The following NDE1 variants were observed in gnomAD, a reference collection of about 807,000 sequenced individuals.
NDE1 encodes nuclear distribution protein nudE homolog 1.
A neutral mutation model predicts 43.4 loss-of-function variants in NDE1; 28 were observed. The observed-to-expected ratio is 0.65, with a 90% confidence interval of 0.48 to 0.89. The LOEUF (loss-of-function observed/expected upper bound fraction) is 0.89, where lower values mean the gene tolerates loss of function less well. Among genes scored for constraint, NDE1 ranks in the 40% least tolerant of loss-of-function variants. NDE1 has a pLI of 0.00. For synonymous variants in NDE1, 184 were observed against 172.0 expected (o/e 1.07, Z -0.55); for missense variants, 441 against 434.1 (o/e 1.02, Z -0.14).
In NDE1 at chr16:15,667,447, G is replaced by T; in HGVS notation, c.237+8G>T. 6.2e-7 allele frequency: 1 copy of T among 1,613,620 alleles called. No individual in the cohort carries two copies. The highest frequency in any genetic ancestry group is 2.2e-5 in the East Asian group (1 of 44,872). On this transcript the variant is annotated splice_region_variant and intron_variant, in intron 3 of 8. Coordinates refer to ENST00000396354, the MANE Select transcript of NDE1 (RefSeq NM_017668.3). ...GAGCTGGAAACCATCAAGGTGAGGG[G>T]CTGAGAGGAAGTGTGCTCAGGTGTA... is the stretch of plus-strand genomic sequence containing the variant.
At chr16:15,723,019 C>CA (rs1368992480) in intron 8 of NDE1, among the ~76,000 whole-genome samples, 2 of 152,212 alleles carry the variant, frequency 1.3e-5, no homozygotes, top group Admixed American at 1.3e-4. Context: ...GCTAGGATTA[C>CA]AGGCGTGAGC....
rs869069843 is a variant in NDE1, at chr16:15,690,353, C to CTTT, written c.524-765_524-763dup. Reference sequence around the variant, plus strand: ...GCAACTGGCCTTTTTTTTTTTTTTTCTTTTTTTTTTTTTTTTTTTTTTTTT... The same window carrying CTTT: ...GCAACTGGCCTTTTTTTTTTTTTTTCTTTTTTTTTTTTTTTTTTTTTTTTTTTT... On this transcript the variant is annotated intron_variant, in intron 5 of 8. Coordinates refer to ENST00000396354, the MANE Select transcript of NDE1 (RefSeq NM_017668.3). Among the ~76,000 whole-genome samples, 606 of 81,000 alleles carry CTTT rather than the reference C, an allele frequency of 7.5e-3. 43 individuals carry two copies. Among genetic ancestry groups the CTTT allele is most frequent in the Non-Finnish European group, 8.4e-3 (388 of 46,372 alleles). The allele number at this position is 81,000 out of a possible 152,430, so 53.1% of individuals were successfully genotyped here.
At position 15,696,471 on chromosome 16, in the gene NDE1, C is replaced by T. The variant is rs58057638; in HGVS notation, c.796-238C>T. ...TGTCAAGCCATCCTCCTGCCTTGGC[C>T]TCCCAGAGTGCTGGGATTATAGGTG... On this transcript the variant is annotated intron_variant, in intron 7 of 8. Coordinates refer to ENST00000396354, the MANE Select transcript of NDE1 (RefSeq NM_017668.3). Among the ~76,000 whole-genome samples, 2,007 of 152,128 alleles carry T rather than the reference C, an allele frequency of 0.013. 19 individuals carry two copies. The highest frequency in any genetic ancestry group is 0.035 in the East Asian group (179 of 5,176).
chr16:15,684,766 C>T (rs1273382508), intron 4 of NDE1, among the ~76,000 whole-genome samples: 5 of 152,116 alleles, frequency 3.3e-5, no homozygotes. Context: ...AGAACTGAAC[C>T]TGCCATCTTT....
At chr16:15,696,901 C>G (rs778529764) in intron 8 of NDE1, 41 bp downstream of exon 8, 7 of 1,605,078 alleles carry the variant, frequency 4.4e-6, no homozygotes, top group Middle Eastern at 1.7e-4. Flanking sequence ...CGGGGAGAAC[C>G]CGCCTGCCCC....
intron 3 of NDE1, among the ~76,000 whole-genome samples, chr16:15,668,502 C>T (rs1185529726): frequency 6.6e-6 from 1 of 152,146 alleles, no homozygotes. Flanking sequence ...TGGACGCGAG[C>T]AGTCCTCCTG....
At chr16:15,721,333 G>GC in intron 8 of NDE1, 1 of 1,427,972 alleles carries the variant, frequency 7.0e-7, no homozygotes. Context: ...TATGAAAAAG[G>GC]CCAGGAGCTA....
At chr16:15,722,043 A>T (rs1159890218) in intron 8 of NDE1, among the ~76,000 whole-genome samples, 1 of 151,870 alleles carries the variant, frequency 6.6e-6, no homozygotes, top group Non-Finnish European at 1.5e-5. Flanking sequence ...TTTTAAGTAG[A>T]GATGTGGTTT....
upstream of NDE1, among the ~76,000 whole-genome samples, chr16:15,649,193 C>T (rs1265682739): frequency 1.3e-5 from 2 of 152,152 alleles, no homozygotes; most frequent in Admixed American, 6.5e-5. Context: ...GAGATTTCAT[C>T]TCAAAATAAA....
chr16:15,718,537 C>G, intron 8 of NDE1: 1 of 1,464,704 alleles, frequency 6.8e-7, no homozygotes. Context: ...CCCTCATCAT[C>G]TAATGGGTGA....
At chr16:15,694,950 T>C (rs1194248504) in intron 7 of NDE1, 12 of 966,728 alleles carry the variant, frequency 1.2e-5, no homozygotes, top group Non-Finnish European at 1.5e-5. Flanking sequence ...GGTGGGAGAT[T>C]ACTTGAGCTC....
At chr16:15,719,147 A>C in intron 8 of NDE1, 1 of 1,454,010 alleles carries the variant, frequency 6.9e-7, no homozygotes, top group South Asian at 1.2e-5. Flanking sequence ...TAAAAAATAA[A>C]ATGGGGGTCG....
chr16:15,685,168 C>T (rs1041536615), intron 4 of NDE1, among the ~76,000 whole-genome samples: 1 of 152,292 alleles, frequency 6.6e-6, no homozygotes, highest in Middle Eastern at 3.4e-3. Context: ...AATATTTTAT[C>T]TTTGATATGT....
intron 1 of NDE1, among the ~76,000 whole-genome samples, chr16:15,654,415 C>T (rs1161866841): frequency 6.6e-6 from 1 of 151,692 alleles, no homozygotes; most frequent in Non-Finnish European, 1.5e-5. Flanking sequence ...GCCTGGCCAA[C>T]GTGGCGAAAC....
intron 7 of NDE1, chr16:15,694,747 G>C: frequency 1.0e-6 from 1 of 985,320 alleles, no homozygotes; most frequent in South Asian, 4.7e-5. Context: ...GACACTCAGA[G>C]CTCTGACTCG....
rs148619157 is a variant in NDE1 at position 15,673,680 on chromosome 16, A to G, written c.238-4121A>G. ...CCCCCATAGCTAGGACTGCAGGTGC[A>G]TGCCACCACGCCTGGCTGTTCTTAA... is the stretch of plus-strand genomic sequence containing the variant. On this transcript the variant is annotated intron_variant, in intron 3 of 8. Coordinates refer to ENST00000396354, the MANE Select transcript of NDE1 (RefSeq NM_017668.3). Among the ~76,000 whole-genome samples, 88 of 151,884 alleles carry G rather than the reference A, an allele frequency of 5.8e-4. 1 individual carries two copies. In the East Asian group the frequency reaches 0.016, roughly 27 times the overall value.
chr16:15,699,497 G>A, intron 8 of NDE1: 1 of 1,122,490 alleles, frequency 8.9e-7, no homozygotes, highest in Non-Finnish European at 1.1e-6. Context: ...ACAAACAATA[G>A]GTAAGAGATG....
chr16:15,677,418 T>C (rs1344930204), intron 3 of NDE1, among the ~76,000 whole-genome samples: 1 of 152,044 alleles, frequency 6.6e-6, no homozygotes, highest in Non-Finnish European at 1.5e-5. Context: ...AAACCCGGTC[T>C]CTACTAAAAA....
intron 4 of NDE1, chr16:15,684,466 GC>G (rs1413688890): frequency 6.6e-6 from 1 of 151,540 alleles, no homozygotes; most frequent in Non-Finnish European, 1.5e-5. Context: ...GGTGGTGCGT[GC>G]CTGTAATCCC....
Sources: allele counts gnomAD v4.1 joint callset (sites outside exome capture counted in the v4.1 genomes callset), GRCh38; gene constraint gnomAD v4.1.1; transcripts MANE v1.5; gene names NCBI Gene and HGNC (gene_info 2026-07-23, HGNC 2026-07-21).